OLFM3: variants seen among roughly 807,000 people sequenced by gnomAD.
OLFM3 encodes noelin-3.
OLFM3 carries 20 observed loss-of-function variants against 48.6 expected under a neutral mutation model. The observed-to-expected ratio is 0.41, with a 90% CI of 0.29 to 0.60. The LOEUF (loss-of-function observed/expected upper bound fraction) is 0.60, where lower values mean the gene tolerates loss of function less well. Ranked by LOEUF, OLFM3 falls within the 20% of genes least tolerant of loss-of-function variation. OLFM3 has a pLI of 0.28. For synonymous variants in OLFM3, 222 were observed against 198.1 expected (o/e 1.12, Z -1.01); for missense variants, 437 against 544.3 (o/e 0.80, Z 1.96).
chr1:101,868,293 A>G (rs1392421675), intron 1 of OLFM3, among the ~76,000 whole-genome samples: 1 of 152,170 alleles, frequency 6.6e-6, no homozygotes, highest in Admixed American at 6.5e-5. Context: ...GAAGTTTGGA[A>G]CTTTCCAGAG....
At position 101,955,850 on chromosome 1, in the gene OLFM3, A is replaced by G. The variant is rs74794976; in HGVS notation, c.69+40898T>C. ...ACATACCACAGGTTCCTCAAATACT[A>G]TGGGTACCAAGGAGTACTTTCATGC... On this transcript the variant is annotated intron_variant, in intron 1 of 5. Transcript: ENST00000370103. Among the ~76,000 whole-genome samples the G allele has an allele frequency of 4.7e-3, 714 of 151,932 alleles. 37 individuals carry two copies. The East Asian group carries it at 0.11, about 24-fold the overall frequency.
At chr1:101,927,812 G>C (rs1336805) in intron 1 of OLFM3, among the ~76,000 whole-genome samples, 69,690 of 149,512 alleles carry the variant, frequency 0.47, 17,309 homozygotes, top group Non-Finnish European at 0.55. Flanking sequence ...AGAAAAAGTG[G>C]AAAAACACAT....
At chr1:101,897,613 T>G (rs932173474) in intron 1 of OLFM3, among the ~76,000 whole-genome samples, 18 of 152,180 alleles carry the variant, frequency 1.2e-4, no homozygotes, top group African/African-American at 3.9e-4. Context: ...CAAGAATTCA[T>G]GTGGGTAATG....
chr1:101,926,806 A>T (rs1358602510), intron 1 of OLFM3, among the ~76,000 whole-genome samples: 1 of 152,172 alleles, frequency 6.6e-6, no homozygotes, highest in Non-Finnish European at 1.5e-5. Context: ...ATTGTCTCTC[A>T]AATATGGCAG....
At chr1:101,944,901 G>T (rs1274776373) in intron 1 of OLFM3, among the ~76,000 whole-genome samples, 1 of 151,508 alleles carries the variant, frequency 6.6e-6, no homozygotes, top group Admixed American at 6.6e-5. Context: ...AAAGTTCCTG[G>T]GCATGTGCCA....
chr1:101,922,859 G>T (rs964943476), intron 1 of OLFM3, among the ~76,000 whole-genome samples: 5 of 152,244 alleles, frequency 3.3e-5, no homozygotes, highest in African/African-American at 1.2e-4. Context: ...AAATTAAATG[G>T]AAGTAATTGC....
At chr1:101,830,358 T>C (rs1655087888) in intron 3 of OLFM3, among the ~76,000 whole-genome samples, 2 of 152,192 alleles carry the variant, frequency 1.3e-5, no homozygotes, top group Non-Finnish European at 2.9e-5. Flanking sequence ...TCTACATCTT[T>C]CTTCATATTA....
At chr1:101,859,158 A>G (rs1656547374) in intron 1 of OLFM3, among the ~76,000 whole-genome samples, 4 of 152,114 alleles carry the variant, frequency 2.6e-5, no homozygotes, top group Admixed American at 2.0e-4. Flanking sequence ...TTGGAAAGGT[A>G]GCAGGAAAAA....
At chr1:101,963,514 G>A (rs1660524047) in intron 1 of OLFM3, among the ~76,000 whole-genome samples, 1 of 116,112 alleles carries the variant, frequency 8.6e-6, no homozygotes. Context: ...TGAGGAGGCT[G>A]AGACTTACAG....
intron 1 of OLFM3, among the ~76,000 whole-genome samples, chr1:101,858,760 A>G (rs541686247): frequency 3.3e-5 from 5 of 152,138 alleles, no homozygotes; most frequent in East Asian, 1.9e-4. Context: ...GCCTTCTACT[A>G]TAATTGTAAG....
intron 1 of OLFM3, among the ~76,000 whole-genome samples, chr1:101,884,997 C>A (rs1657689979): frequency 6.6e-6 from 1 of 151,862 alleles, no homozygotes; most frequent in South Asian, 2.1e-4. Context: ...GAAAGAGAAC[C>A]CCAATAGACA....
At position 101,983,013 on chromosome 1, in the gene OLFM3, T is replaced by C. The variant is rs372397357; in HGVS notation, c.69+13735A>G. Among the ~76,000 whole-genome samples, 7 of 152,344 alleles carry C rather than the reference T, an allele frequency of 4.6e-5. No homozygotes were observed. The East Asian group carries it at 1.2e-3, about 25-fold the overall frequency. On this transcript the variant is annotated intron_variant, in intron 1 of 5. Coordinates refer to ENST00000370103, the MANE Select transcript of OLFM3 (RefSeq NM_058170.4). ...GTTTTTTAAATTCGATCTTTCACCTTGTTTGGAGTTAAGATAACTAAATTC... is the reference window on the plus strand; with the variant it reads ...GTTTTTTAAATTCGATCTTTCACCTCGTTTGGAGTTAAGATAACTAAATTC...
chr1:101,941,322 C>T (rs1294307066), intron 1 of OLFM3, among the ~76,000 whole-genome samples: 1 of 152,082 alleles, frequency 6.6e-6, no homozygotes, highest in African/African-American at 2.4e-5. Flanking sequence ...AGTCGTGGCT[C>T]AGGGTGTGGC....
At chr1:101,875,521 G>A (rs1344144345) in intron 1 of OLFM3, among the ~76,000 whole-genome samples, 1 of 151,778 alleles carries the variant, frequency 6.6e-6, no homozygotes, top group Admixed American at 6.6e-5. Context: ...CTCTTTTTTT[G>A]TAAACCTAAA....
chr1:101,920,616 A>G (rs1457972369), intron 1 of OLFM3, among the ~76,000 whole-genome samples: 1 of 152,212 alleles, frequency 6.6e-6, no homozygotes, highest in Non-Finnish European at 1.5e-5. Context: ...AAAGGAATTT[A>G]TAGGCTGAAC....
chr1:101,957,333 C>T (rs1479299917), intron 1 of OLFM3, among the ~76,000 whole-genome samples: 1 of 151,978 alleles, frequency 6.6e-6, no homozygotes, highest in African/African-American at 2.4e-5. Context: ...AAAAACTCTA[C>T]AAGTCAATTT....
At chr1:101,816,265 G>C (rs955752371) in intron 4 of OLFM3, among the ~76,000 whole-genome samples, 7 of 152,256 alleles carry the variant, frequency 4.6e-5, no homozygotes, top group Middle Eastern at 3.4e-3. Flanking sequence ...AAGAAGCAGG[G>C]AGACAGGAGT....
chr1:101,845,265 T>A (rs1570555371), intron 1 of OLFM3, among the ~76,000 whole-genome samples: 1 of 152,108 alleles, frequency 6.6e-6, no homozygotes, highest in Middle Eastern at 3.2e-3. Context: ...AGCAATGCTT[T>A]ATATTTTTCA....
At chr1:101,903,753 G>A (rs1442548119) in intron 1 of OLFM3, among the ~76,000 whole-genome samples, 2 of 151,940 alleles carry the variant, frequency 1.3e-5, no homozygotes, top group South Asian at 2.1e-4. Context: ...TTCAATGCAC[G>A]TCCTTCTTAA....
Sources: gnomAD v4.1 joint callset for allele counts (sites outside exome capture counted in the v4.1 genomes callset) on GRCh38, gnomAD v4.1.1 for gene constraint, MANE v1.5 for transcripts, NCBI Gene and HGNC (gene_info 2026-07-23, HGNC 2026-07-21) for gene names.